Variants in RB1CC1 observed in about 807,000 individuals in gnomAD.
RB1CC1 encodes the protein RB1 inducible coiled-coil 1.
RB1CC1 carries 46 observed loss-of-function variants against 177.5 expected under a neutral mutation model. That is an observed-to-expected ratio of 0.26 (90% CI 0.20 to 0.33). RB1CC1 has a LOEUF of 0.33. Ranked by LOEUF, RB1CC1 falls within the 10% of genes least tolerant of loss-of-function variation. The probability of loss-of-function intolerance (pLI) is 1.00; values close to 1 mark genes in which losing one functional copy is unlikely to be tolerated. For missense variants in RB1CC1, 1,703 were observed against 1,816.3 expected (o/e 0.94, Z 1.13); for synonymous variants, 666 against 613.6 (o/e 1.09, Z -1.26).
At chr8:52,691,836 T>C (rs951909554) in intron 1 of RB1CC1, among the ~76,000 whole-genome samples, 1 of 152,228 alleles carries the variant, frequency 6.6e-6, no homozygotes, top group Admixed American at 6.5e-5. Context: ...TGTGAGGAAA[T>C]GTGACGCTCA....
Position 52,656,485 on chromosome 8 carries a change from T to C in RB1CC1, c.3344A>G (p.Asn1115Ser), listed in dbSNP as rs1851092293. The C allele has an allele frequency of 6.2e-7, 1 of 1,611,232 alleles. No homozygotes were observed. The highest frequency in any genetic ancestry group is 1.7e-5 in the Admixed American group (1 of 59,790). ...SKLNQKIQDN[N>S]ENYQVGLAEL... Reference sequence around the variant, plus strand: ...TGCTAAGCCCACCTGATAATTTTCATTATTATCCTGAATCTTTTGGTTGAG... The same window carrying C: ...TGCTAAGCCCACCTGATAATTTTCACTATTATCCTGAATCTTTTGGTTGAG... The change falls in exon 15 of 24, where the codon AAT (asparagine) becomes AGT (serine). Residue 1115 changes from asparagine to serine, a missense_variant. Transcript: ENST00000025008.
chr8:52,653,185 A>G (rs117650874), intron 15 of RB1CC1, among the ~76,000 whole-genome samples: 38 of 152,346 alleles, frequency 2.5e-4, no homozygotes, highest in Non-Finnish European at 5.0e-4. Context: ...CCCAGAGAAT[A>G]TGTTCTTTAC....
intron 12 of RB1CC1, among the ~76,000 whole-genome samples, chr8:52,659,736 G>A (rs1294527069): frequency 2.0e-5 from 3 of 152,196 alleles, no homozygotes; most frequent in Non-Finnish European, 2.9e-5. Flanking sequence ...GGTGGCTCAC[G>A]CCTGTAACCT....
intron 1 of RB1CC1, among the ~76,000 whole-genome samples, chr8:52,697,269 ACT>A (rs542463557): frequency 1.0e-4 from 15 of 150,242 alleles, no homozygotes; most frequent in Admixed American, 2.7e-4. Context: ...CAGAACAATG[ACT>A]CTGTTTCTTC....
chr8:52,637,627 T>C (rs894213357), intron 18 of RB1CC1, among the ~76,000 whole-genome samples: 4 of 151,950 alleles, frequency 2.6e-5, no homozygotes, highest in Non-Finnish European at 4.4e-5. Flanking sequence ...TGTATGCAAA[T>C]AGTGTTTTTT....
chr8:52,665,921 G>T (rs1021821184), intron 8 of RB1CC1, among the ~76,000 whole-genome samples: 5 of 152,252 alleles, frequency 3.3e-5, no homozygotes, highest in Non-Finnish European at 5.9e-5. Flanking sequence ...CCAGCCAAGG[G>T]AAGGTACAAT....
intron 8 of RB1CC1, among the ~76,000 whole-genome samples, chr8:52,666,990 A>AT (rs1852124036): frequency 6.6e-6 from 1 of 152,212 alleles, no homozygotes; most frequent in Admixed American, 6.5e-5. Flanking sequence ...CCCAAATGGT[A>AT]TAAGTCATTA....
intron 1 of RB1CC1, among the ~76,000 whole-genome samples, chr8:52,697,861 A>T (rs936138632): frequency 3.3e-5 from 5 of 152,338 alleles, no homozygotes; most frequent in Admixed American, 3.3e-4. Context: ...GTGTTTGTAG[A>T]GGTAGGTAAG....
At chr8:52,667,909 A>G in intron 8 of RB1CC1, 112 bp downstream of exon 8, 1 of 1,045,790 alleles carries the variant, frequency 9.6e-7, no homozygotes, top group South Asian at 2.0e-5. Flanking sequence ...TACATTAAAA[A>G]TATTCAAGGA....
intron 1 of RB1CC1, among the ~76,000 whole-genome samples, chr8:52,708,633 C>T (rs889666209): frequency 1.3e-5 from 2 of 152,172 alleles, no homozygotes; most frequent in Non-Finnish European, 2.9e-5. Context: ...TCTGAATTTA[C>T]AGAACTCTTA....
At chr8:52,648,033 G>T (rs2150431585) in intron 15 of RB1CC1, among the ~76,000 whole-genome samples, 1 of 152,150 alleles carries the variant, frequency 6.6e-6, no homozygotes, top group East Asian at 1.9e-4. Context: ...GATTGCTTGG[G>T]GTACTCCATT....
rs73681532 is a variant in RB1CC1 at position 52,682,952 on chromosome 8, T to C, written c.369+597A>G. 3.0e-3 allele frequency among the ~76,000 whole-genome samples: 457 copies of C among 152,310 alleles called. 4 individuals carry two copies. Among genetic ancestry groups the C allele is most frequent in the African/African-American group, 0.011 (438 of 41,576 alleles). On this transcript the variant is annotated intron_variant, in intron 5 of 23. Coordinates refer to ENST00000025008, the MANE Select transcript of RB1CC1 (RefSeq NM_014781.5). ...TAAAGCTAATGTTCAGTAATGTTAT[T>C]TATTTTTACAAAAGGTAAATACTAT...
chr8:52,675,773 G>A (rs1482808532), intron 6 of RB1CC1, among the ~76,000 whole-genome samples: 1 of 148,918 alleles, frequency 6.7e-6, no homozygotes, highest in African/African-American at 2.5e-5. Context: ...TGTAGTCCCA[G>A]CTACTTGGGA....
At position 52,658,948 on chromosome 8, in the gene RB1CC1, TCA is replaced by T. The variant is rs770094294; in HGVS notation, c.1716_1717del (p.Cys572Ter). 6.4e-7 allele frequency: 1 copy of T among 1,573,472 alleles called. No homozygotes were observed. Among genetic ancestry groups the T allele is most frequent in the Non-Finnish European group, 8.6e-7 (1 of 1,160,926 alleles). ...ATCTTTTAATGAAATATCTGGAAGT[TCA>T]CAGTCAAACTTTCGAGGCTTTTGAG... On this transcript the variant is annotated stop_gained and frameshift_variant, in exon 13 of 24. Coordinates refer to ENST00000025008, the MANE Select transcript of RB1CC1 (RefSeq NM_014781.5). LOFTEE classifies it high-confidence loss of function.
At chr8:52,667,892 A>G (rs1852211774) in intron 8 of RB1CC1, 129 bp downstream of exon 8, 1 of 894,280 alleles carries the variant, frequency 1.1e-6, no homozygotes, top group Middle Eastern at 2.6e-4. Context: ...CAAGGAAACA[A>G]TATTAATACA....
chr8:52,637,617 T>C (rs554083352), intron 18 of RB1CC1, among the ~76,000 whole-genome samples: 1 of 152,274 alleles, frequency 6.6e-6, no homozygotes, highest in South Asian at 2.1e-4. Context: ...GATCAGGCTA[T>C]GTATGCAAAT....
chr8:52,648,030 T>C (rs1850209258), intron 15 of RB1CC1, among the ~76,000 whole-genome samples: 1 of 152,086 alleles, frequency 6.6e-6, no homozygotes, highest in Non-Finnish European at 1.5e-5. Flanking sequence ...TTGGATTGCT[T>C]GGGGTACTCC....
At chr8:52,661,312 T>C (rs1176810502) in intron 9 of RB1CC1, 31 bp from the exon 10 acceptor site, 1 of 1,601,744 alleles carries the variant, frequency 6.2e-7, no homozygotes, top group East Asian at 2.2e-5. Flanking sequence ...TTTTCAACAT[T>C]CACAAAACTG....
intron 1 of RB1CC1, among the ~76,000 whole-genome samples, chr8:52,712,939 TCA>T (rs769514724): frequency 2.6e-5 from 4 of 152,240 alleles, no homozygotes; most frequent in African/African-American, 4.8e-5. Context: ...CCTTGGTTTC[TCA>T]CAGTTTTATC....
Sources: allele counts gnomAD v4.1 joint callset (sites outside exome capture counted in the v4.1 genomes callset), GRCh38; gene constraint gnomAD v4.1.1; transcripts MANE v1.5; gene names NCBI Gene and HGNC (gene_info 2026-07-23, HGNC 2026-07-21).